The following SRRM1 variants were observed in gnomAD, a reference collection of about 807,000 sequenced individuals.
The protein encoded by SRRM1 is serine/arginine repetitive matrix protein 1.
A neutral mutation model predicts 110.2 loss-of-function variants in SRRM1; 19 were observed. The observed-to-expected ratio is 0.17, with a 90% CI of 0.12 to 0.25. SRRM1 has a LOEUF of 0.25. Among genes scored for constraint, SRRM1 ranks in the 10% least tolerant of loss-of-function variants. The pLI is 1.00. For missense variants in SRRM1, 918 were observed against 1,145.8 expected, an observed-to-expected ratio of 0.80 and a Z score of 2.87; for synonymous variants, 443 against 414.9, an observed-to-expected ratio of 1.07 and a Z score of -0.82.
At chr1:24,666,084 C>T (rs1267663429) in intron 12 of SRRM1, among the ~76,000 whole-genome samples, 1 of 152,192 alleles carries the variant, frequency 6.6e-6, no homozygotes, top group Non-Finnish European at 1.5e-5. Context: ...CCCAAAAACA[C>T]CTGGCTGGAC....
chr1:24,668,954 A>C (rs935269594), intron 13 of SRRM1, among the ~76,000 whole-genome samples, 169 bp from the exon 14 acceptor site: 4 of 152,170 alleles, frequency 2.6e-5, no homozygotes, highest in Admixed American at 2.6e-4. Flanking sequence ...AGCTGAGATA[A>C]ACAAGTTTTA....
rs574655255 is a variant in SRRM1 at position 24,656,473 on chromosome 1, C to T, written c.1315+1344C>T. On this transcript the variant is annotated intron_variant, in intron 9 of 16. Transcript: ENST00000323848. ...CTGTAACTGTTCCAGGTTCAGTCCTCAGTTTGAGAGAGGGGCTTCGGGATC... is the reference window on the plus strand; with the variant it reads ...CTGTAACTGTTCCAGGTTCAGTCCTTAGTTTGAGAGAGGGGCTTCGGGATC... 4.6e-5 allele frequency among the ~76,000 whole-genome samples: 7 copies of T among 152,316 alleles called. 1 individual carries two copies. Among genetic ancestry groups the T allele is most frequent in the Admixed American group, 3.3e-4 (5 of 15,304 alleles).
At position 24,661,293 on chromosome 1, in the gene SRRM1, A is replaced by T; in HGVS notation, c.1397-17A>T. 1 of 1,601,174 alleles carries T rather than the reference A, an allele frequency of 6.2e-7. No individual in the cohort carries two copies. The highest frequency in any genetic ancestry group is 8.5e-7 in the Non-Finnish European group (1 of 1,170,078). On this transcript the variant is annotated splice_polypyrimidine_tract_variant and intron_variant, in intron 10 of 16. Transcript: ENST00000323848. ...GCTTAACTAAAGAAACACTTTCTAA[A>T]TGCATCCATCTTTCAGAAGAAGATA...
intron 12 of SRRM1, among the ~76,000 whole-genome samples, chr1:24,663,987 CT>C (rs973518559): frequency 0.071 from 8,492 of 119,610 alleles, 930 homozygotes; most frequent in African/African-American, 0.2. Flanking sequence ...GCATAGCTCT[CT>C]TTTTTTTTTT....
chr1:24,646,590 T>C (rs1234431284), intron 2 of SRRM1, 77 bp from the exon 3 acceptor site: 2 of 1,311,624 alleles, frequency 1.5e-6, no homozygotes, highest in Non-Finnish European at 2.1e-6. Context: ...AAAGGAACTT[T>C]GGTAGACAGA....
chr1:24,663,719 A>C (rs1425516556), intron 12 of SRRM1, among the ~76,000 whole-genome samples: 1 of 151,846 alleles, frequency 6.6e-6, no homozygotes, highest in Non-Finnish European at 1.5e-5. Flanking sequence ...TCTACTAAAA[A>C]TACAAAAATT....
intron 1 of SRRM1, among the ~76,000 whole-genome samples, chr1:24,645,734 G>A (rs1657108873): frequency 6.6e-6 from 1 of 152,196 alleles, no homozygotes; most frequent in Non-Finnish European, 1.5e-5. Flanking sequence ...ATGAGGAGGT[G>A]TTGGCTTTAT....
chr1:24,662,954 T>A, intron 12 of SRRM1, 150 bp downstream of exon 12: 1 of 1,174,842 alleles, frequency 8.5e-7, no homozygotes, highest in Non-Finnish European at 1.2e-6. Flanking sequence ...TGTTTTGTTT[T>A]GTTTTTGCTT....
At chr1:24,661,870 G>A (rs571950895) in intron 11 of SRRM1, among the ~76,000 whole-genome samples, 4 of 152,094 alleles carry the variant, frequency 2.6e-5, no homozygotes, top group South Asian at 4.2e-4. Context: ...TGAGCAGGCC[G>A]AGATCAGGAG....
At position 24,654,967 on chromosome 1, in the gene SRRM1, A is replaced by G; in HGVS notation, c.1153A>G (p.Thr385Ala). The G allele has an allele frequency of 6.2e-7, 1 of 1,613,932 alleles. No individual in the cohort carries two copies. The highest frequency in any genetic ancestry group is 8.5e-7 in the Non-Finnish European group (1 of 1,179,988). ...GAGGACATCCAGCCCCCCTCGGAAA[A>G]CTCGTAGGTTATCTCCTTCAGCAAG... ...PKRTSSPPRK[T>A]RRLSPSASPP... The change falls in exon 9 of 17, where the codon ACT (threonine) becomes GCT (alanine). Residue 385 changes from threonine (T) to alanine (A), a missense_variant. Physicochemically the swap from Thr to Ala is moderately conservative, Grantham distance 58. Coordinates refer to ENST00000323848, the MANE Select transcript of SRRM1 (RefSeq NM_005839.4).
intron 3 of SRRM1, chr1:24,648,579 C>T (rs997085442): frequency 2.6e-5 from 7 of 268,248 alleles, no homozygotes; most frequent in Middle Eastern, 1.1e-3. Context: ...GGCCCACTAA[C>T]AGCCACAGAG....
intron 13 of SRRM1, among the ~76,000 whole-genome samples, chr1:24,667,795 C>T (rs1477075359): frequency 2.6e-5 from 4 of 152,034 alleles, no homozygotes; most frequent in African/African-American, 7.2e-5. Flanking sequence ...GTTCATTTTA[C>T]AGTTTTGCTA....
At chr1:24,658,040 G>A (rs1665166153) in intron 9 of SRRM1, among the ~76,000 whole-genome samples, 1 of 152,080 alleles carries the variant, frequency 6.6e-6, no homozygotes, top group Non-Finnish European at 1.5e-5. Flanking sequence ...ATGCTAGAAT[G>A]ATTTTGTCCC....
chr1:24,666,761 T>A, intron 12 of SRRM1, 54 bp from the exon 13 acceptor site: 1 of 1,414,894 alleles, frequency 7.1e-7, no homozygotes, highest in Non-Finnish European at 9.8e-7. Flanking sequence ...TGAGACGCCA[T>A]CACACACACA....
At chr1:24,649,855 A>G (rs896684801) in intron 4 of SRRM1, 116 bp from the exon 5 acceptor site, 2 of 919,106 alleles carry the variant, frequency 2.2e-6, no homozygotes, top group Non-Finnish European at 3.1e-6. Context: ...GGTCTGGTTC[A>G]AAAGAAGAGG....
At chr1:24,646,547 G>A (rs965799142) in intron 2 of SRRM1, 120 bp from the exon 3 acceptor site, 6 of 764,172 alleles carry the variant, frequency 7.9e-6, no homozygotes. Context: ...AAAATTAGCA[G>A]ATTCTACTAT....
chr1:24,646,125 T>C (rs1426320775), intron 2 of SRRM1, 52 bp downstream of exon 2: 10 of 1,405,296 alleles, frequency 7.1e-6, no homozygotes, highest in Non-Finnish European at 1.0e-5. Flanking sequence ...CTTACTTGAC[T>C]CAAGTTCTGG....
chr1:24,646,554 C>G, intron 2 of SRRM1, 113 bp from the exon 3 acceptor site: 2 of 821,276 alleles, frequency 2.4e-6, no homozygotes, highest in Admixed American at 5.9e-5. Flanking sequence ...GCAGATTCTA[C>G]TATGCCAAAC....
intron 5 of SRRM1, chr1:24,650,653 T>C (rs1034026735): frequency 6.6e-6 from 1 of 152,228 alleles, no homozygotes; most frequent in South Asian, 2.1e-4. Context: ...GGCTTTTTAT[T>C]TTTAGGGTTC....
Sources: gnomAD v4.1 joint callset for allele counts (sites outside exome capture counted in the v4.1 genomes callset) on GRCh38, gnomAD v4.1.1 for gene constraint, MANE v1.5 for transcripts, NCBI Gene and HGNC (gene_info 2026-07-23, HGNC 2026-07-21) for gene names.